Variants in RBFOX1 observed in about 807,000 individuals in gnomAD.
RBFOX1 encodes the protein RNA binding protein fox-1 homolog 1.
In RBFOX1, 8 loss-of-function variants were observed where a neutral mutation model predicts 57.7. That is an observed-to-expected ratio of 0.14 (90% CI 0.08 to 0.25). The LOEUF (loss-of-function observed/expected upper bound fraction) is 0.25, where lower values mean the gene tolerates loss of function less well. Ranked by LOEUF, RBFOX1 falls within the 10% of genes least tolerant of loss-of-function variation. The probability of loss-of-function intolerance (pLI) is 1.00; values close to 1 mark genes in which losing one functional copy is unlikely to be tolerated. For synonymous variants in RBFOX1, 326 were observed against 222.4 expected (o/e 1.47, Z -4.15); for missense variants, 611 against 548.5 (o/e 1.11, Z -1.14).
At position 6,750,275 on chromosome 16, in the gene RBFOX1, T is replaced by C. The variant is rs544764307; in HGVS notation, c.-16+95625T>C. On this transcript the variant is annotated intron_variant, in intron 3 of 15. Coordinates refer to ENST00000550418, the MANE Select transcript of RBFOX1 (RefSeq NM_018723.4). ...ATCAATAGCTGTTAAGTCATTTGTA[T>C]TGAATCATTCTCATAGCCTCACAGC... Among the ~76,000 whole-genome samples, 6 of 152,334 alleles carry C rather than the reference T, an allele frequency of 3.9e-5. No homozygotes were observed. In the East Asian group the frequency reaches 7.7e-4, roughly 20 times the overall value.
rs866078906 is a variant in RBFOX1 at position 5,370,423 on chromosome 16, G to A, written c.220-96793G>A. On this transcript the variant is annotated intron_variant, in intron 1 of 2. Transcript: ENST00000585867. ...GAACCAGGATAGGGCACTGTCTGGG[G>A]CAAAGATGGTTAATTGTTCCCCGAT... Among the ~76,000 whole-genome samples, 54 of 150,492 alleles carry A rather than the reference G, an allele frequency of 3.6e-4. 1 individual carries two copies. The highest frequency in any genetic ancestry group is 1.2e-3 in the African/African-American group (50 of 40,910).
chr16:5,891,505 G>A (rs2058044138), intron 4 of RBFOX1, among the ~76,000 whole-genome samples: 1 of 152,256 alleles, frequency 6.6e-6, no homozygotes, highest in Non-Finnish European at 1.5e-5. Flanking sequence ...TTCAGTCAGA[G>A]TATTTGCTGT....
intron 4 of RBFOX1, among the ~76,000 whole-genome samples, chr16:7,308,325 G>C (rs1231168019): frequency 1.5e-5 from 2 of 129,398 alleles, no homozygotes; most frequent in Non-Finnish European, 3.2e-5. Flanking sequence ...TGAGTTTAAT[G>C]TCCTGAAAGA....
chr16:7,277,579 C>A (rs538548630), intron 4 of RBFOX1, among the ~76,000 whole-genome samples: 1 of 152,002 alleles, frequency 6.6e-6, no homozygotes, highest in South Asian at 2.1e-4. Flanking sequence ...TAATCTAGAT[C>A]TTCATAAAAT....
intron 5 of RBFOX1, among the ~76,000 whole-genome samples, chr16:7,578,072 C>G (rs1871867632): frequency 1.3e-5 from 2 of 152,168 alleles, no homozygotes; most frequent in South Asian, 4.1e-4. Flanking sequence ...CAAATGAAAA[C>G]CTTTCCTTCG....
chr16:6,522,154 AGT>A (rs35360830), intron 2 of RBFOX1, among the ~76,000 whole-genome samples: 54,442 of 142,528 alleles, frequency 0.38, 11,072 homozygotes, highest in Non-Finnish European at 0.46. Context: ...GGGGACCCAC[AGT>A]GTGTGTGTGT....
chr16:5,374,020 C>T (rs1004811828), intron 1 of RBFOX1, among the ~76,000 whole-genome samples: 8 of 152,246 alleles, frequency 5.3e-5, no homozygotes, highest in Admixed American at 1.3e-4. Context: ...TGGGTTCAAG[C>T]GATTCTCCTG....
chr16:6,968,901 C>T (rs903801308), intron 3 of RBFOX1, among the ~76,000 whole-genome samples: 3 of 151,600 alleles, frequency 2.0e-5, no homozygotes, highest in Non-Finnish European at 2.9e-5. Flanking sequence ...TGTCAGGATT[C>T]ACATAATAAG....
chr16:7,270,168 T>C (rs374536201), intron 4 of RBFOX1, among the ~76,000 whole-genome samples: 5 of 152,176 alleles, frequency 3.3e-5, no homozygotes, highest in African/African-American at 1.2e-4. Flanking sequence ...GAACCTTGAG[T>C]CTGAGCCTTA....
At chr16:6,885,599 T>G (rs1439462806) in intron 3 of RBFOX1, among the ~76,000 whole-genome samples, 1 of 152,124 alleles carries the variant, frequency 6.6e-6, no homozygotes, top group Admixed American at 6.6e-5. Flanking sequence ...TGGCACAGTC[T>G]CGGCTCACTG....
intron 3 of RBFOX1, among the ~76,000 whole-genome samples, chr16:7,022,554 C>T (rs115140426): frequency 0.019 from 2,819 of 152,110 alleles, 86 homozygotes; most frequent in African/African-American, 0.063. Context: ...TCATGATAAC[C>T]CTAGTGAAGA....
intron 3 of RBFOX1, among the ~76,000 whole-genome samples, chr16:7,004,961 T>G (rs1006088778): frequency 6.6e-6 from 1 of 152,106 alleles, no homozygotes; most frequent in Admixed American, 6.5e-5. Flanking sequence ...TTGGCCAACA[T>G]GGTGAAACCC....
chr16:6,820,659 CAAA>C (rs749156791), intron 3 of RBFOX1, among the ~76,000 whole-genome samples: 1 of 136,638 alleles, frequency 7.3e-6, no homozygotes, highest in Non-Finnish European at 1.6e-5. Flanking sequence ...ACCCTGTCTC[CAAA>C]AAAAAAACAA....
At chr16:6,823,562 A>G (rs2091677484) in intron 3 of RBFOX1, among the ~76,000 whole-genome samples, 3 of 152,134 alleles carry the variant, frequency 2.0e-5, no homozygotes, top group Admixed American at 1.3e-4. Context: ...TGGCCACCAC[A>G]TGAAATTCTT....
intron 1 of RBFOX1, among the ~76,000 whole-genome samples, chr16:6,032,646 G>A (rs1365703852): frequency 6.6e-6 from 1 of 152,268 alleles, no homozygotes; most frequent in Admixed American, 6.5e-5. Flanking sequence ...GCAGATGTCA[G>A]TGTGCCCTTG....
chr16:6,217,452 C>G (rs964830417), intron 1 of RBFOX1, among the ~76,000 whole-genome samples: 2 of 152,132 alleles, frequency 1.3e-5, no homozygotes, highest in African/African-American at 2.4e-5. Context: ...TTATCGGGAC[C>G]TTCCTGGGAC....
chr16:6,372,659 A>G (rs2090612295), intron 2 of RBFOX1, among the ~76,000 whole-genome samples: 1 of 151,482 alleles, frequency 6.6e-6, no homozygotes, highest in Non-Finnish European at 1.5e-5. Flanking sequence ...GGGTGGAAGT[A>G]TAGTTGGATG....
chr16:6,583,608 T>G (rs1269592392), intron 2 of RBFOX1, among the ~76,000 whole-genome samples: 1 of 152,274 alleles, frequency 6.6e-6, no homozygotes, highest in African/African-American at 2.4e-5. Flanking sequence ...CTATCCATTC[T>G]CTGTAACTCT....
At chr16:5,611,745 T>TCCATCCATCCATCCATCCAC (rs2047807915) in intron 3 of RBFOX1, among the ~76,000 whole-genome samples, 2 of 144,454 alleles carry the variant, frequency 1.4e-5, no homozygotes, top group African/African-American at 2.6e-5. Flanking sequence ...CATCCATCCA[T>TCCATCCATCCATCCATCCAC]CCATTCACCC....
Sources: gnomAD v4.1 joint callset for allele counts (sites outside exome capture counted in the v4.1 genomes callset) on GRCh38, gnomAD v4.1.1 for gene constraint, MANE v1.5 for transcripts, NCBI Gene and HGNC (gene_info 2026-07-23, HGNC 2026-07-21) for gene names.